The following HK1 variants were observed in gnomAD, a reference collection of about 807,000 sequenced individuals.
HK1 encodes hexokinase 1.
In HK1, 28 loss-of-function variants were observed where a neutral mutation model predicts 91.6. The observed-to-expected ratio is 0.31, with a 90% CI of 0.23 to 0.42. The LOEUF is 0.42. Among genes scored for constraint, HK1 ranks in the 10% least tolerant of loss-of-function variants. The pLI is 1.00. For missense variants in HK1, 770 were observed against 1,219.8 expected, an observed-to-expected ratio of 0.63 and a Z score of 5.49; for synonymous variants, 430 against 468.1, an observed-to-expected ratio of 0.92 and a Z score of 1.05.
At chr10:69,270,805 C>T (rs879817816) in intron 1 of HK1, among the ~76,000 whole-genome samples, 1 of 152,170 alleles carries the variant, frequency 6.6e-6, no homozygotes, top group African/African-American at 2.4e-5. Context: ...GGAATGGGTG[C>T]TCCATGAGAA....
intron 12 of HK1, 95 bp from the exon 13 acceptor site, chr10:69,386,228 C>A: frequency 1.1e-6 from 1 of 912,818 alleles, no homozygotes; most frequent in Non-Finnish European, 1.8e-6. Flanking sequence ...TGTAAGCCCT[C>A]AGCAGTTGTT....
At chr10:69,301,187 G>A (rs1335868850) in intron 5 of HK1, among the ~76,000 whole-genome samples, 1 of 147,516 alleles carries the variant, frequency 6.8e-6, no homozygotes, top group African/African-American at 2.5e-5. Flanking sequence ...GGAGGTTGCA[G>A]TGAGCCGAGA....
At chr10:69,365,989 T>C (rs1236878758) in intron 4 of HK1, among the ~76,000 whole-genome samples, 4 of 152,040 alleles carry the variant, frequency 2.6e-5, no homozygotes, top group East Asian at 1.9e-4. Flanking sequence ...CACCACCATG[T>C]CCGGCTAATT....
chr10:69,366,492 G>A (rs151231407), intron 4 of HK1, among the ~76,000 whole-genome samples: 15 of 152,246 alleles, frequency 9.9e-5, no homozygotes, highest in African/African-American at 3.6e-4. Flanking sequence ...GCCAAGATGA[G>A]CGCAGAGGTC....
intron 11 of HK1, 24 bp from the exon 12 acceptor site, chr10:69,384,772 G>C (rs1335679013): frequency 6.2e-7 from 1 of 1,614,100 alleles, no homozygotes; most frequent in East Asian, 2.2e-5. Context: ...GAGAGCACGG[G>C]CGATCCTTTC....
chr10:69,323,560 A>G (rs976742648), intron 1 of HK1, among the ~76,000 whole-genome samples: 1 of 151,688 alleles, frequency 6.6e-6, no homozygotes, highest in Non-Finnish European at 1.5e-5. Flanking sequence ...AATTATGAGA[A>G]GTGTCTCATA....
upstream of HK1, among the ~76,000 whole-genome samples, chr10:69,315,491 T>C (rs1846590339): frequency 6.6e-6 from 1 of 152,116 alleles, no homozygotes; most frequent in African/African-American, 2.4e-5. Flanking sequence ...TGGAGGGCCA[T>C]CTGGAGAGGG....
chr10:69,323,169 C>T (rs562165637), intron 1 of HK1, among the ~76,000 whole-genome samples: 12 of 150,380 alleles, frequency 8.0e-5, no homozygotes, highest in South Asian at 2.1e-4. Flanking sequence ...TTGCTTGAAC[C>T]GGGGAGGCGG....
rs1296196281 is a variant in HK1 at position 69,359,957 on chromosome 10, A to G, written c.287A>G (p.Gln96Arg). 1 of 1,614,086 alleles carries G rather than the reference A, an allele frequency of 6.2e-7. No individual in the cohort carries two copies. The highest frequency in any genetic ancestry group is 8.5e-7 in the Non-Finnish European group (1 of 1,179,934). Residue 96 changes from glutamine to arginine, a missense_variant, in exon 3 of 18, where the codon CAA becomes CGA. Gln to Arg is a conservative substitution (Grantham distance 43). Coordinates refer to ENST00000359426, the MANE Select transcript of HK1 (RefSeq NM_000188.3). ...GGSSFRILRVQVNHEKNQNVH... is the reference protein window; with the variant it reads ...GGSSFRILRVRVNHEKNQNVH... ...TCTTCCTTTCGAATTCTGCGGGTGC[A>G]AGTGAATCATGAGAAAAACCAGAAT...
chr10:69,347,200 G>A (rs796943386), intron 2 of HK1, among the ~76,000 whole-genome samples: 3 of 151,920 alleles, frequency 2.0e-5, no homozygotes, highest in Admixed American at 6.6e-5. Flanking sequence ...TAGTAGAGAC[G>A]GGGTTTTGCC....
At chr10:69,349,076 G>A (rs7094214) in intron 2 of HK1, among the ~76,000 whole-genome samples, 36,020 of 152,068 alleles carry the variant, frequency 0.24, 5,106 homozygotes, top group South Asian at 0.41. Flanking sequence ...AAAGGTCACA[G>A]GCAGGAGGCC....
chr10:69,382,820 T>G, intron 10 of HK1, 29 bp downstream of exon 10: 1 of 1,602,726 alleles, frequency 6.2e-7, no homozygotes, highest in East Asian at 2.2e-5. Flanking sequence ...CTGACATGCC[T>G]GTCCTGCTCC....
intron 2 of HK1, among the ~76,000 whole-genome samples, chr10:69,283,513 G>A (rs1035545200): frequency 4.6e-5 from 7 of 150,854 alleles, no homozygotes; most frequent in Non-Finnish European, 8.9e-5. Flanking sequence ...GGGCGTGGTG[G>A]TTCATGCCTG....
intron 5 of HK1, among the ~76,000 whole-genome samples, chr10:69,305,406 G>T (rs1376152182): frequency 6.6e-6 from 1 of 152,210 alleles, no homozygotes; most frequent in East Asian, 1.9e-4. Context: ...AATGGATATT[G>T]TGGGATACAG....
intron 1 of HK1, among the ~76,000 whole-genome samples, chr10:69,276,090 CAAAAA>C (rs60324656): frequency 3.8e-4 from 6 of 15,944 alleles, no homozygotes; most frequent in African/African-American, 8.5e-4. Flanking sequence ...AACTCCTTTT[CAAAAA>C]AAAAAAAAAA....
chr10:69,394,791 C>A (rs1303292738), intron 15 of HK1, among the ~76,000 whole-genome samples, 159 bp from the exon 16 acceptor site: 1 of 152,152 alleles, frequency 6.6e-6, no homozygotes, highest in Non-Finnish European at 1.5e-5. Context: ...CTTCCTGGTC[C>A]TCCCACTCTG....
chr10:69,401,235 G>A lies in HK1; in HGVS notation c.*100G>A. The A allele has an allele frequency of 7.0e-7, 1 of 1,428,932 alleles. No homozygotes were observed. The highest frequency in any genetic ancestry group is 9.6e-7 in the Non-Finnish European group (1 of 1,045,400). The allele number at this position is 1,428,932 out of a possible 1,614,324, so 88.5% of individuals were successfully genotyped here. A position where few individuals can be genotyped will look rare whatever the true frequency, so the allele number is the denominator to read the frequency against. On this transcript the variant is annotated 3_prime_UTR_variant, in exon 18 of 18. Coordinates refer to ENST00000359426, the MANE Select transcript of HK1 (RefSeq NM_000188.3). The stretch of plus-strand genomic sequence containing the variant: ...GTTGCGCTGGGAGACGCTGGCGCCA[G>A]GGCCTGCCGGCGCGGGGAGGAAAGC...
At chr10:69,308,235 T>G (rs564906880) in intron 5 of HK1, among the ~76,000 whole-genome samples, 1 of 152,278 alleles carries the variant, frequency 6.6e-6, no homozygotes, top group East Asian at 1.9e-4. Flanking sequence ...CGTGTGTGTG[T>G]GGGGATGGTT....
Position 69,295,269 on chromosome 10 carries a change from C to T in HK1, c.-114-364C>T, listed in dbSNP as rs528451471. On this transcript the variant is annotated intron_variant, in intron 3 of 21. Coordinates refer to the HK1 transcript ENST00000360289. The stretch of plus-strand genomic sequence containing the variant: ...CCTCTCCAGGCCTCTGCCGCAGCTC[C>T]GGTGCTGCTGCGCTTCCATTACTGA... Among the ~76,000 whole-genome samples, 8 of 152,270 alleles carry T rather than the reference C, an allele frequency of 5.3e-5. No individual in the cohort carries two copies. The South Asian group carries it at 1.7e-3, about 32-fold the overall frequency.
Sources: gnomAD v4.1 joint callset for allele counts (sites outside exome capture counted in the v4.1 genomes callset) on GRCh38, gnomAD v4.1.1 for gene constraint, MANE v1.5 for transcripts, NCBI Gene and HGNC (gene_info 2026-07-23, HGNC 2026-07-21) for gene names.